Variants in MMP26 observed in about 807,000 individuals in gnomAD.
The protein encoded by MMP26 is matrix metalloproteinase-26.
A neutral mutation model predicts 31.0 loss-of-function variants in MMP26; 33 were observed. The ratio of observed to expected loss-of-function variants is 1.06; its 90% CI spans 0.81 to 1.42. The LOEUF is 1.42. MMP26 is among the 40% of genes most tolerant of loss of function. The probability of loss-of-function intolerance (pLI) is 0.00; values close to 1 mark genes in which losing one functional copy is unlikely to be tolerated. For synonymous variants in MMP26, 122 were observed against 114.9 expected (o/e 1.06, Z -0.40); for missense variants, 347 against 316.1 (o/e 1.10, Z -0.74).
At chr11:4,881,873 C>T (rs751868413) in intron 2 of MMP26, 2 of 1,586,830 alleles carry the variant, frequency 1.3e-6, no homozygotes, top group South Asian at 2.2e-5. Flanking sequence ...TTTTTCTTTC[C>T]TCATAGTTCA....
At chr11:4,948,714 T>C (rs559853133) in intron 2 of MMP26, among the ~76,000 whole-genome samples, 3 of 124,002 alleles carry the variant, frequency 2.4e-5, no homozygotes, top group Non-Finnish European at 5.5e-5. Flanking sequence ...TAGTAAATAG[T>C]CATTGGAAGG....
At chr11:4,988,015 A>T (rs556345585) in intron 2 of MMP26, 53 bp from the exon 3 acceptor site, 1 of 618,336 alleles carries the variant, frequency 1.6e-6, no homozygotes, top group Non-Finnish European at 2.9e-6. Flanking sequence ...TTAAAAATAA[A>T]TTCCATGGCT....
chr11:4,874,054 G>T (rs1199136003), intron 2 of MMP26, among the ~76,000 whole-genome samples: 1 of 152,026 alleles, frequency 6.6e-6, no homozygotes, highest in African/African-American at 2.4e-5. Context: ...GAGTCAGCGA[G>T]GGTGTTGGTA....
chr11:4,821,491 GCCAC>G lies in MMP26; in HGVS notation c.-145+54154_-145+54157del, dbSNP rs541963097. On this transcript the variant is annotated intron_variant, in intron 2 of 7. Transcript: ENST00000380390. Reference sequence around the variant, plus strand: ...CCTGATGGGCATTCCAGGCCTGAAAGCCACCCAGTACTGGATCTCCATCCCTTTT... The same window carrying G: ...CCTGATGGGCATTCCAGGCCTGAAAGCCAGTACTGGATCTCCATCCCTTTT... 65 of 1,612,844 alleles carry G rather than the reference GCCAC, an allele frequency of 4.0e-5. 1 individual carries two copies. The South Asian group carries it at 7.1e-4, about 17-fold the overall frequency.
chr11:4,895,680 T>G (rs1233453136), intron 2 of MMP26, among the ~76,000 whole-genome samples: 2 of 152,182 alleles, frequency 1.3e-5, no homozygotes, highest in African/African-American at 4.8e-5. Flanking sequence ...TCCCAGCCCT[T>G]TGGTAGCACA....
intron 2 of MMP26, chr11:4,803,688 C>A (rs759294670): frequency 1.1e-5 from 18 of 1,613,624 alleles, no homozygotes; most frequent in Non-Finnish European, 8.5e-6. Flanking sequence ...CACCTGAGGG[C>A]AACTGAAGCA....
intron 2 of MMP26, among the ~76,000 whole-genome samples, chr11:4,870,463 A>G (rs1440845309): frequency 2.0e-5 from 3 of 152,110 alleles, no homozygotes; most frequent in African/African-American, 7.2e-5. Context: ...TGTGATTTAG[A>G]CAATATTAAT....
chr11:4,956,505 A>G (rs1846445484), intron 2 of MMP26, among the ~76,000 whole-genome samples: 1 of 152,198 alleles, frequency 6.6e-6, no homozygotes, highest in African/African-American at 2.4e-5. Flanking sequence ...GAGACATGGT[A>G]AATTCTCTGC....
At chr11:4,837,080 C>CAGATTGG (rs1312404280) in intron 2 of MMP26, among the ~76,000 whole-genome samples, 9 of 151,870 alleles carry the variant, frequency 5.9e-5, no homozygotes, top group Non-Finnish European at 1.0e-4. Flanking sequence ...AGACAAATAC[C>CAGATTGG]AGATTGGGAA....
chr11:4,880,765 G>A (rs1850449934), intron 2 of MMP26, among the ~76,000 whole-genome samples: 1 of 152,178 alleles, frequency 6.6e-6, no homozygotes, highest in Admixed American at 6.5e-5. Flanking sequence ...GTGGGGCAAA[G>A]ATTGAAGCAG....
intron 2 of MMP26, among the ~76,000 whole-genome samples, chr11:4,833,615 A>G (rs1039398308): frequency 1.3e-5 from 2 of 152,208 alleles, no homozygotes; most frequent in Non-Finnish European, 2.9e-5. Flanking sequence ...GCAGAATCTC[A>G]TGTCCTGCTG....
At chr11:4,980,838 T>C (rs141065059) in intron 2 of MMP26, among the ~76,000 whole-genome samples, 2 of 151,778 alleles carry the variant, frequency 1.3e-5, no homozygotes, top group African/African-American at 2.4e-5. Context: ...GAAATATTAT[T>C]TGTATCTGTT....
In MMP26 at chr11:4,977,710, C is replaced by T. The variant is rs1040915827; in HGVS notation, c.-144-10358C>T. On this transcript the variant is annotated intron_variant, in intron 2 of 7. Coordinates refer to ENST00000380390, the MANE Select transcript of MMP26 (RefSeq NM_021801.5). The stretch of plus-strand genomic sequence containing the variant: ...TAGGCCTTTTTTGTCCATTCAGAAG[C>T]GACAGGTGAACTGTTAGTGGGATGA... Among the ~76,000 whole-genome samples, 4 of 152,122 alleles carry T rather than the reference C, an allele frequency of 2.6e-5. No individual in the cohort carries two copies. In the East Asian group the frequency reaches 5.8e-4, roughly 22 times the overall value.
chr11:4,737,058 GA>G, intron 1 of MMP26: 1 of 152,556 alleles, frequency 6.6e-6, no homozygotes, highest in Non-Finnish European at 1.5e-5. Context: ...CTCCAGTCAG[GA>G]AAAAGATCAG....
intron 2 of MMP26, chr11:4,860,218 A>T (rs1362048973): frequency 2.1e-6 from 1 of 471,018 alleles, no homozygotes; most frequent in East Asian, 7.0e-5. Flanking sequence ...GGACACTAGG[A>T]CTCCTGATTC....
At chr11:4,969,433 T>C (rs1335598133) in intron 2 of MMP26, among the ~76,000 whole-genome samples, 2 of 152,040 alleles carry the variant, frequency 1.3e-5, no homozygotes, top group African/African-American at 2.4e-5. Flanking sequence ...GTTACTAAAA[T>C]ATTCTGGAAA....
chr11:4,706,577 CAAAAAA>C (rs71050423), intron 1 of MMP26, among the ~76,000 whole-genome samples: 12 of 87,556 alleles, frequency 1.4e-4, no homozygotes, highest in Admixed American at 1.1e-3. Flanking sequence ...GACCCTATCT[CAAAAAA>C]AAAAAAAAAA....
intron 2 of MMP26, among the ~76,000 whole-genome samples, chr11:4,819,401 G>A (rs1463684071): frequency 1.3e-5 from 2 of 151,636 alleles, no homozygotes; most frequent in Non-Finnish European, 1.5e-5. Flanking sequence ...CGGGAGAGGG[G>A]GGAAAGAAAC....
chr11:4,848,958 G>C (rs376299030), intron 2 of MMP26: 8 of 1,614,034 alleles, frequency 5.0e-6, no homozygotes, highest in Non-Finnish European at 6.8e-6. Context: ...GGGCATCAGG[G>C]CAGTGACCAA....
Sources: gnomAD v4.1 joint callset for allele counts (sites outside exome capture counted in the v4.1 genomes callset) on GRCh38, gnomAD v4.1.1 for gene constraint, MANE v1.5 for transcripts, NCBI Gene and HGNC (gene_info 2026-07-23, HGNC 2026-07-21) for gene names.